PHACTR1: variants seen among roughly 807,000 people sequenced by gnomAD.
PHACTR1 encodes RPEL repeat containing 1.
Under a neutral mutation model 69.2 loss-of-function variants are expected in PHACTR1, and 16 were observed. The ratio of observed to expected loss-of-function variants is 0.23; its 90% CI spans 0.16 to 0.35. The LOEUF (loss-of-function observed/expected upper bound fraction) is 0.35, where lower values mean the gene tolerates loss of function less well. PHACTR1 is among the 10% of genes least tolerant of loss of function. PHACTR1 has a pLI of 1.00. For synonymous variants in PHACTR1, 312 were observed against 284.5 expected (o/e 1.10, Z -0.97); for missense variants, 510 against 734.7 (o/e 0.69, Z 3.54).
Position 13,179,405 on chromosome 6 carries a change from C to CGTGTGTGTGTGTGTGTGTGT in PHACTR1, c.497-3093_497-3074dup, listed in dbSNP as rs4053019. On this transcript the variant is annotated intron_variant, in intron 6 of 14. Transcript: ENST00000332995. The surrounding 1 kb of genome is among the most constrained non-coding windows in gnomAD (Gnocchi z 4.2). ...TATACAGCCCATTACATTAATGTTT[C>CGTGTGTGTGTGTGTGTGTGT]GTGTGTGTGTGTGTGTGTGTGTGTG... 8.4e-5 allele frequency among the ~76,000 whole-genome samples: 12 copies of CGTGTGTGTGTGTGTGTGTGT among 142,056 alleles called. No homozygotes were observed. Among genetic ancestry groups the CGTGTGTGTGTGTGTGTGTGT allele is most frequent in the Admixed American group, 3.6e-4 (5 of 14,002 alleles). 93.2% of individuals were successfully genotyped at this position (142,056 alleles called of 152,430 possible). A position where few individuals can be genotyped will look rare whatever the true frequency, so the allele number is the denominator to read the frequency against.
intron 4 of PHACTR1, among the ~76,000 whole-genome samples, chr6:12,776,682 GTTTGTT>G (rs1312398633): frequency 6.6e-6 from 1 of 152,170 alleles, no homozygotes; most frequent in Non-Finnish European, 1.5e-5. Flanking sequence ...TTATTTTAAA[GTTTGTT>G]TTTATCTTCA....
chr6:12,756,137 A>G (rs766209886), intron 4 of PHACTR1, among the ~76,000 whole-genome samples: 32 of 152,340 alleles, frequency 2.1e-4, no homozygotes, highest in African/African-American at 6.7e-4. Context: ...GACATATGCA[A>G]CTTGAATTCA....
intron 4 of PHACTR1, among the ~76,000 whole-genome samples, chr6:12,859,321 T>A (rs1329552178): frequency 6.6e-6 from 1 of 152,190 alleles, no homozygotes; most frequent in Non-Finnish European, 1.5e-5. Flanking sequence ...ATAAAAGAGC[T>A]GGTCAACATG....
At position 13,278,265 on chromosome 6, in the gene PHACTR1, T is replaced by A. The variant is rs913366093; in HGVS notation, c.1448-3T>A. The A allele has an allele frequency of 2.5e-6, 4 of 1,584,718 alleles. No individual in the cohort carries two copies. In the African/African-American group the frequency reaches 4.0e-5, roughly 16 times the overall value. ...AAAAAAACATCTTAAATATTTTTTT[T>A]AGCTCGGAATGAACAAGAGGAACAG... On this transcript the variant is annotated splice_polypyrimidine_tract_variant and splice_region_variant and intron_variant, in intron 11 of 14. Transcript: ENST00000332995.
At chr6:13,172,095 G>T (rs184255712) in intron 6 of PHACTR1, among the ~76,000 whole-genome samples, 2 of 152,246 alleles carry the variant, frequency 1.3e-5, no homozygotes, top group Admixed American at 6.5e-5. Context: ...AATCTTGGAT[G>T]CTAGGCTCAG....
intron 4 of PHACTR1, among the ~76,000 whole-genome samples, chr6:12,863,291 C>T (rs1302142654): frequency 6.6e-6 from 1 of 152,222 alleles, no homozygotes; most frequent in African/African-American, 2.4e-5. Flanking sequence ...GGGCCCTCTT[C>T]CTGGCTTGCA....
intron 4 of PHACTR1, among the ~76,000 whole-genome samples, chr6:12,788,934 T>C (rs1416750114): frequency 6.6e-6 from 1 of 152,158 alleles, no homozygotes; most frequent in African/African-American, 2.4e-5. Context: ...GAAAGGAAGG[T>C]AGGAGCTGAA....
At chr6:13,282,699 C>T (rs1475831900) in intron 12 of PHACTR1, among the ~76,000 whole-genome samples, 1 of 152,168 alleles carries the variant, frequency 6.6e-6, no homozygotes, top group African/African-American at 2.4e-5. Context: ...ACAAAATGCA[C>T]TGCAAAACCC....
chr6:12,965,012 G>T (rs1793257577), intron 4 of PHACTR1, among the ~76,000 whole-genome samples: 1 of 152,106 alleles, frequency 6.6e-6, no homozygotes, highest in African/African-American at 2.4e-5. Flanking sequence ...AGAAAATAGT[G>T]TCCGTAGTAT....
At chr6:13,120,559 G>A (rs911828389) in intron 5 of PHACTR1, among the ~76,000 whole-genome samples, 9 of 152,176 alleles carry the variant, frequency 5.9e-5, no homozygotes, top group Non-Finnish European at 1.2e-4. Context: ...AGAGGAGGCC[G>A]AAGGTGGGGT....
At chr6:13,207,497 G>A (rs183183777) in intron 8 of PHACTR1, among the ~76,000 whole-genome samples, 1 of 152,308 alleles carries the variant, frequency 6.6e-6, no homozygotes, top group Non-Finnish European at 1.5e-5. Context: ...CCCACAGGCA[G>A]GCCTGCAGCC....
intron 3 of PHACTR1, among the ~76,000 whole-genome samples, chr6:12,719,133 C>A (rs1761781028): frequency 6.6e-6 from 1 of 152,116 alleles, no homozygotes. Context: ...ACACTTATGT[C>A]CAAAAAGAAT....
intron 10 of PHACTR1, among the ~76,000 whole-genome samples, chr6:13,252,100 G>T (rs1774507418): frequency 6.7e-6 from 1 of 150,372 alleles, no homozygotes; most frequent in Non-Finnish European, 1.5e-5. Context: ...AGGAGGCACG[G>T]TGACTTATGC....
At chr6:12,870,137 T>C (rs551500374) in intron 4 of PHACTR1, among the ~76,000 whole-genome samples, 13 of 150,716 alleles carry the variant, frequency 8.6e-5, no homozygotes, top group African/African-American at 2.9e-4. Flanking sequence ...AAAAAAAAAC[T>C]CCAATGCTTC....
intron 4 of PHACTR1, among the ~76,000 whole-genome samples, chr6:12,871,546 T>C (rs1488629193): frequency 2.0e-5 from 3 of 152,170 alleles, no homozygotes; most frequent in African/African-American, 7.2e-5. Flanking sequence ...TTCATCCCCA[T>C]AGTGTCATTT....
At chr6:13,079,301 C>T (rs1158020726) in intron 5 of PHACTR1, among the ~76,000 whole-genome samples, 1 of 152,130 alleles carries the variant, frequency 6.6e-6, no homozygotes. Flanking sequence ...AGGAGCTCTG[C>T]CCTGGGTGTT....
chr6:13,249,197 C>T (rs777014474), intron 10 of PHACTR1, among the ~76,000 whole-genome samples: 1 of 152,032 alleles, frequency 6.6e-6, no homozygotes, highest in African/African-American at 2.4e-5. Flanking sequence ...AGATGAGTGG[C>T]GGGAGTGAGC....
At chr6:13,066,292 C>G (rs943777648) in intron 5 of PHACTR1, among the ~76,000 whole-genome samples, 1 of 152,224 alleles carries the variant, frequency 6.6e-6, no homozygotes, top group African/African-American at 2.4e-5. Context: ...GAATAGGTAC[C>G]GGATAAGTAC....
At chr6:13,112,321 T>C (rs1221995850) in intron 5 of PHACTR1, among the ~76,000 whole-genome samples, 3 of 152,322 alleles carry the variant, frequency 2.0e-5, no homozygotes, top group African/African-American at 7.2e-5. Context: ...CTATTGTGAA[T>C]AGTGCTGCAG....
Sources: gnomAD v4.1 joint callset for allele counts (sites outside exome capture counted in the v4.1 genomes callset) on GRCh38, gnomAD v4.1.1 for gene constraint, Gnocchi (gnomAD v3.1) non-coding constraint, MANE v1.5 for transcripts, NCBI Gene and HGNC (gene_info 2026-07-23, HGNC 2026-07-21) for gene names.